The following SYN3 variants were observed in gnomAD, a reference collection of about 807,000 sequenced individuals.
The protein encoded by SYN3 is synapsin-3.
In SYN3, 35 loss-of-function variants were observed where a neutral mutation model predicts 65.8. The observed-to-expected ratio is 0.53, with a 90% confidence interval of 0.41 to 0.70. The LOEUF (loss-of-function observed/expected upper bound fraction) is 0.70. SYN3 is among the 30% of genes least tolerant of loss of function. The pLI is 0.00. For synonymous variants in SYN3, 270 were observed against 292.9 expected, an observed-to-expected ratio of 0.92 and a Z score of 0.80; for missense variants, 680 against 749.0, an observed-to-expected ratio of 0.91 and a Z score of 1.08.
At chr22:32,812,272 G>C (rs965132109) in intron 6 of SYN3, among the ~76,000 whole-genome samples, 1 of 152,174 alleles carries the variant, frequency 6.6e-6, no homozygotes, top group Non-Finnish European at 1.5e-5. Context: ...AGGTAACTTT[G>C]TTAGAAATAT....
In SYN3 at chr22:32,583,174, T is replaced by G. The variant is rs1048182262; in HGVS notation, c.774+13500A>C. ...AGCTGCTTCCCCTACCCCCAACACA[T>G]GGACAGACACACACCCCAAAATGTA... On this transcript the variant is annotated intron_variant, in intron 7 of 13. Coordinates refer to ENST00000358763, the MANE Select transcript of SYN3 (RefSeq NM_003490.4). 3.9e-5 allele frequency: 6 copies of G among 152,386 alleles called. No homozygotes were observed. The East Asian group carries it at 1.2e-3, about 29-fold the overall frequency. The allele number at this position is 152,386 out of a possible 1,614,324, so 9.4% of individuals were successfully genotyped here. A position where few individuals can be genotyped will look rare whatever the true frequency, so the allele number is the denominator to read the frequency against.
chr22:32,657,611 G>A (rs533284731), intron 6 of SYN3, among the ~76,000 whole-genome samples: 1 of 152,218 alleles, frequency 6.6e-6, no homozygotes, highest in Non-Finnish European at 1.5e-5. Context: ...CAGAGTGGGG[G>A]TGGCATCATT....
At position 33,001,652 on chromosome 22, in the gene SYN3, T is replaced by C. The variant is rs150258736; in HGVS notation, c.311+4700A>G. 4.3e-4 allele frequency among the ~76,000 whole-genome samples: 66 copies of C among 152,338 alleles called. No homozygotes were observed. The East Asian group carries it at 0.01, about 23-fold the overall frequency. ...ATCACAATAGTCAGCAATAATAATA[T>C]ACACTTATGCAGTACTTACTGTCTA... On this transcript the variant is annotated intron_variant, in intron 2 of 13. Coordinates refer to ENST00000358763, the MANE Select transcript of SYN3 (RefSeq NM_003490.4).
chr22:32,935,916 A>G (rs901168403), intron 3 of SYN3, among the ~76,000 whole-genome samples: 36 of 152,238 alleles, frequency 2.4e-4, no homozygotes, highest in Admixed American at 4.6e-4. Context: ...AGAGGTAATG[A>G]TATCAATAAT....
intron 6 of SYN3, among the ~76,000 whole-genome samples, chr22:32,704,757 C>T (rs762935819): frequency 1.3e-5 from 2 of 152,212 alleles, no homozygotes; most frequent in Non-Finnish European, 2.9e-5. Flanking sequence ...GCCATTCTGA[C>T]TGATGTCAGA....
intron 6 of SYN3, among the ~76,000 whole-genome samples, chr22:32,651,287 G>T (rs1225469288): frequency 1.3e-5 from 2 of 152,162 alleles, no homozygotes; most frequent in Admixed American, 1.3e-4. Flanking sequence ...TGTGTGTGGG[G>T]TGATGGCCAT....
intron 6 of SYN3, among the ~76,000 whole-genome samples, chr22:32,814,040 A>G (rs892299914): frequency 5.9e-5 from 9 of 151,662 alleles, no homozygotes; most frequent in Non-Finnish European, 1.0e-4. Flanking sequence ...TAGGCATTCA[A>G]TAAAAGTATC....
At chr22:32,975,960 A>G (rs2052173132) in intron 3 of SYN3, among the ~76,000 whole-genome samples, 1 of 152,248 alleles carries the variant, frequency 6.6e-6, no homozygotes, top group Non-Finnish European at 1.5e-5. Flanking sequence ...TTTATGGTCA[A>G]TATCTACAGC....
At chr22:32,519,549 A>G (rs1446009266) in intron 12 of SYN3, 1 of 152,200 alleles carries the variant, frequency 6.6e-6, no homozygotes, top group Admixed American at 6.5e-5. Flanking sequence ...GAAAGCTCAA[A>G]GAGAATCTTG....
rs1249185039 is a variant in SYN3 at position 32,931,391 on chromosome 22, T to G, written c.460A>C (p.Ser154Arg). 6.2e-7 allele frequency: 1 copy of G among 1,607,868 alleles called. No individual in the cohort carries two copies. Among genetic ancestry groups the G allele is most frequent in the Non-Finnish European group, 8.5e-7 (1 of 1,174,538 alleles). The stretch of plus-strand genomic sequence containing the variant: ...TCTGCATATTTTAATCCTACTTACC[T>G]CACCACTTTGGTCCCATTTCTCACG... The part of the protein sequence containing the change: ...QVVRNGTKVV[S>R]RSFKPDFILV... Residue 154 changes from serine to arginine, a missense_variant and splice_region_variant, in exon 4 of 14, where the codon AGC (serine) becomes CGC (arginine). By Grantham distance (110) the Ser-to-Arg change is moderately radical (BLOSUM62 -1). Coordinates refer to ENST00000358763, the MANE Select transcript of SYN3 (RefSeq NM_003490.4).
chr22:32,637,642 T>C lies in SYN3; in HGVS notation c.712-40906A>G, dbSNP rs1293442828. Among the ~76,000 whole-genome samples, 3 of 139,212 alleles carry C rather than the reference T, an allele frequency of 2.2e-5. 1 individual carries two copies. The South Asian group carries it at 7.2e-4, about 33-fold the overall frequency. The allele number at this position is 139,212 out of a possible 152,430, so 91.3% of individuals were successfully genotyped here. A position where few individuals can be genotyped will look rare whatever the true frequency, so the allele number is the denominator to read the frequency against. ...TTTTTTTCTTTTTCTTTTTTTTTTT[T>C]TTTTTTTTTTTTTGAGACAGGGTCT... On this transcript the variant is annotated intron_variant, in intron 6 of 13. Coordinates refer to ENST00000358763, the MANE Select transcript of SYN3 (RefSeq NM_003490.4).
intron 6 of SYN3, among the ~76,000 whole-genome samples, chr22:32,680,319 A>G (rs1271303866): frequency 6.6e-6 from 1 of 152,148 alleles, no homozygotes; most frequent in Non-Finnish European, 1.5e-5. Context: ...CTGTGCTCCC[A>G]TACCCTTTGC....
intron 6 of SYN3, among the ~76,000 whole-genome samples, chr22:32,745,705 C>G (rs571674453): frequency 2.0e-5 from 3 of 151,974 alleles, no homozygotes; most frequent in Non-Finnish European, 2.9e-5. Flanking sequence ...GAGAGAGAAA[C>G]GGACACGTAC....
chr22:32,992,989 A>C (rs1175753841), intron 2 of SYN3, among the ~76,000 whole-genome samples: 1 of 152,092 alleles, frequency 6.6e-6, no homozygotes, highest in Non-Finnish European at 1.5e-5. Flanking sequence ...CTTTTTGTGC[A>C]GTCCTGGTGG....
At chr22:32,785,194 C>T (rs181816731) in intron 6 of SYN3, among the ~76,000 whole-genome samples, 1 of 152,082 alleles carries the variant, frequency 6.6e-6, no homozygotes, top group Admixed American at 6.5e-5. Flanking sequence ...CGGTGCAGCT[C>T]TTGTTGTGGA....
intron 7 of SYN3, among the ~76,000 whole-genome samples, chr22:32,585,024 A>C (rs1227279923): frequency 6.6e-6 from 1 of 152,182 alleles, no homozygotes; most frequent in Non-Finnish European, 1.5e-5. Flanking sequence ...AGGGCTGTCA[A>C]TCTCAGTCCA....
At chr22:32,728,625 G>C (rs1254013211) in intron 6 of SYN3, among the ~76,000 whole-genome samples, 1 of 152,236 alleles carries the variant, frequency 6.6e-6, no homozygotes, top group Non-Finnish European at 1.5e-5. Flanking sequence ...ATCTCAGGGA[G>C]CACAAGAGGT....
intron 1 of SYN3, among the ~76,000 whole-genome samples, chr22:33,021,296 C>T (rs564204138): frequency 1.3e-5 from 2 of 152,212 alleles, no homozygotes; most frequent in South Asian, 4.2e-4. Flanking sequence ...AAGTGCTTTT[C>T]CAAATGTTTA....
At chr22:32,596,313 G>A (rs1438017257) in intron 7 of SYN3, among the ~76,000 whole-genome samples, 1 of 152,190 alleles carries the variant, frequency 6.6e-6, no homozygotes, top group African/African-American at 2.4e-5. Context: ...ATAAAGAGAT[G>A]AGTAAGACAT....
Sources: allele counts gnomAD v4.1 joint callset (sites outside exome capture counted in the v4.1 genomes callset), GRCh38; gene constraint gnomAD v4.1.1; transcripts MANE v1.5; gene names NCBI Gene and HGNC (gene_info 2026-07-23, HGNC 2026-07-21).